The following MTFMT variants were observed in gnomAD, a reference collection of about 807,000 sequenced individuals.
MTFMT encodes the protein mitochondrial methionyl-tRNA formyltransferase, also known as methionyl-tRNA formyltransferase, mitochondrial.
A neutral mutation model predicts 51.8 loss-of-function variants in MTFMT; 47 were observed. The observed-to-expected ratio is 0.91, with a 90% CI of 0.72 to 1.16. The LOEUF (loss-of-function observed/expected upper bound fraction) is 1.16, where lower values mean the gene tolerates loss of function less well. Among genes scored for constraint, MTFMT ranks in the 50% most tolerant of loss-of-function variants. The pLI is 0.00. For missense variants in MTFMT, 512 were observed against 482.3 expected (o/e 1.06, Z -0.58); for synonymous variants, 196 against 176.7 (o/e 1.11, Z -0.87).
chr15:65,029,619 C>T lies in MTFMT; in HGVS notation c.-6G>A. Reference sequence around the variant, plus strand: ...CGCCGCACCAACACCCTCATCGCCTCGGCCGCCGGCGGCCGGCCCTGCGCA... The same window carrying T: ...CGCCGCACCAACACCCTCATCGCCTTGGCCGCCGGCGGCCGGCCCTGCGCA... On this transcript the variant is annotated 5_prime_UTR_variant, in exon 1 of 9. Coordinates refer to ENST00000220058, the MANE Select transcript of MTFMT (RefSeq NM_139242.4). The T allele has an allele frequency of 7.3e-7, 1 of 1,367,394 alleles. No homozygotes were observed. Among genetic ancestry groups the T allele is most frequent in the Non-Finnish European group, 9.5e-7 (1 of 1,056,718 alleles). 84.7% of individuals were successfully genotyped at this position (1,367,394 alleles called of 1,614,324 possible).
At chr15:65,004,251 A>G (rs2086203864) in intron 8 of MTFMT, among the ~76,000 whole-genome samples, 1 of 152,044 alleles carries the variant, frequency 6.6e-6, no homozygotes, top group African/African-American at 2.4e-5. Context: ...TCCCGACCTC[A>G]GGTGATCCAC....
intron 6 of MTFMT, among the ~76,000 whole-genome samples, chr15:65,013,507 T>A (rs1407789967): frequency 6.6e-6 from 1 of 152,198 alleles, no homozygotes; most frequent in Non-Finnish European, 1.5e-5. Context: ...TTATTGAGGT[T>A]TTTTTACATG....
chr15:65,017,459 C>T (rs554233607), intron 5 of MTFMT, among the ~76,000 whole-genome samples: 19 of 152,206 alleles, frequency 1.2e-4, no homozygotes, highest in African/African-American at 4.6e-4. Flanking sequence ...AACCCAAATG[C>T]CCATCAATAA....
Position 65,014,934 on chromosome 15 carries a change from A to ATT in MTFMT, c.813+1500_813+1501dup, listed in dbSNP as rs57853235. On this transcript the variant is annotated intron_variant, in intron 6 of 8. Transcript: ENST00000220058. ...CGTGTGAGCCACCATGCCTGGCCTG[A>ATT]TTTTTTTTTTTTTTTTTTGCTTACT... 1.8e-4 allele frequency among the ~76,000 whole-genome samples: 23 copies of ATT among 124,568 alleles called. 1 individual carries two copies. The highest frequency in any genetic ancestry group is 5.0e-4 in the African/African-American group (17 of 33,940). The allele number at this position is 124,568 out of a possible 152,430, so 81.7% of individuals were successfully genotyped here. A position where few individuals can be genotyped will look rare whatever the true frequency, so the allele number is the denominator to read the frequency against.
Position 65,006,168 on chromosome 15 carries a change from C to T in MTFMT, c.837G>A (p.Met279Ile), listed in dbSNP as rs1481761826. The change falls in exon 7 of 9, where the codon ATG (methionine) becomes ATA (isoleucine). Residue 279 changes from methionine to isoleucine, a missense_variant. Coordinates refer to ENST00000220058, the MANE Select transcript of MTFMT (RefSeq NM_139242.4). The part of the protein sequence containing the change: ...GNIIPLQTLW[M>I]ANTIKLLDLV... ...AATCCAGAAGTTTAATGGTATTCGC[C>T]ATCCAGAGCGTCTGCAACGGAATCT... 4.3e-6 allele frequency: 7 copies of T among 1,612,334 alleles called. No homozygotes were observed. The highest frequency in any genetic ancestry group is 1.6e-4 in the Middle Eastern group (1 of 6,074).
At position 65,016,447 on chromosome 15, in the gene MTFMT, T is replaced by C. The variant is rs1276252539; in HGVS notation, c.802A>G (p.Ile268Val). 6.2e-7 allele frequency: 1 copy of C among 1,605,652 alleles called. No individual in the cohort carries two copies. Reference sequence around the variant, plus strand: ...ACTTCCCAACTTACTATATTTCCAATGGCACGGTAAAGTCTGAATATTTGT... The same window carrying C: ...ACTTCCCAACTTACTATATTTCCAACGGCACGGTAAAGTCTGAATATTTGT... ...SEQIFRLYRA[I>V]GNIIPLQTLW... The change falls in exon 6 of 9, where the codon ATT becomes GTT. Residue 268 changes from isoleucine to valine, a missense_variant. Coordinates refer to ENST00000220058, the MANE Select transcript of MTFMT (RefSeq NM_139242.4).
intron 3 of MTFMT, among the ~76,000 whole-genome samples, chr15:65,022,651 A>G (rs2086383794): frequency 6.6e-6 from 1 of 151,760 alleles, no homozygotes; most frequent in African/African-American, 2.4e-5. Context: ...AATTGCAAAC[A>G]TTCACAAAAA....
At chr15:65,005,033 T>G (rs1162547289) in intron 7 of MTFMT, 97 bp from the exon 8 acceptor site, 4 of 814,078 alleles carry the variant, frequency 4.9e-6, no homozygotes, top group Admixed American at 4.4e-5. Flanking sequence ...TGGGAGGCAG[T>G]ACTGATACCG....
Position 65,006,095 on chromosome 15 carries a change from CT to C in MTFMT, c.892+17del, listed in dbSNP as rs530492914. On this transcript the variant is annotated intron_variant, in intron 7 of 8. Transcript: ENST00000220058. ...ACAGTGAAAACAGCTTCCATGTTAG[CT>C]ATTCAAAAGTTAGTACCAGCAAGGA... 9,107 of 1,585,340 alleles carry C rather than the reference CT, an allele frequency of 5.7e-3. 58 individuals carry two copies. The highest frequency in any genetic ancestry group is 7.1e-3 in the Non-Finnish European group (8,198 of 1,155,578).
intron 6 of MTFMT, among the ~76,000 whole-genome samples, chr15:65,013,032 C>T (rs1283520283): frequency 3.9e-5 from 6 of 152,006 alleles, no homozygotes; most frequent in East Asian, 3.9e-4. Context: ...TGTTTATTAG[C>T]TCTAATAGTT....
At chr15:65,004,684 C>G (rs1288970825) in intron 8 of MTFMT, among the ~76,000 whole-genome samples, 170 bp downstream of exon 8, 1 of 152,222 alleles carries the variant, frequency 6.6e-6, no homozygotes, top group East Asian at 1.9e-4. Flanking sequence ...AACTTCATCA[C>G]TTTCAAAAAA....
At chr15:65,010,568 C>T (rs976262198) in intron 6 of MTFMT, among the ~76,000 whole-genome samples, 9 of 152,076 alleles carry the variant, frequency 5.9e-5, no homozygotes, top group African/African-American at 2.2e-4. Context: ...AATATTCCAC[C>T]GTATGGCTAT....
At position 65,021,595 on chromosome 15, in the gene MTFMT, G is replaced by A; in HGVS notation, c.564C>T (p.Leu188=). The change falls in exon 4 of 9, where the codon CTC becomes CTT. Residue 188 remains leucine (L), a synonymous_variant. Transcript: ENST00000220058. ...RPKRFDVGPI[L]KQETVPVPPK... ...GTGGCACAGGAACAGTTTCTTGTTT[G>A]AGAATTGGGCCTACATCAAACCTAG... 2 of 1,588,568 alleles carry A rather than the reference G, an allele frequency of 1.3e-6. No individual in the cohort carries two copies. Among genetic ancestry groups the A allele is most frequent in the Non-Finnish European group, 1.7e-6 (2 of 1,160,914 alleles).
At position 65,025,613 on chromosome 15, in the gene MTFMT, T is replaced by C. The variant is rs1007189933; in HGVS notation, c.419+1218A>G. Among the ~76,000 whole-genome samples the C allele has an allele frequency of 8.5e-5, 13 of 152,114 alleles. 1 individual carries two copies. The highest frequency in any genetic ancestry group is 7.9e-4 in the Admixed American group (12 of 15,260). On this transcript the variant is annotated intron_variant, in intron 2 of 8. Transcript: ENST00000220058. ...CAATAGGATTTACTGATGGATTGGA[T>C]ATGGGACGTAAGAAATCAAGCATGA...
chr15:65,015,194 C>T (rs544272495), intron 6 of MTFMT, among the ~76,000 whole-genome samples: 5 of 152,154 alleles, frequency 3.3e-5, no homozygotes, highest in East Asian at 3.9e-4. Flanking sequence ...CCTGAGTCTA[C>T]GACGTTAGGA....
intron 2 of MTFMT, among the ~76,000 whole-genome samples, 162 bp from the exon 3 acceptor site, chr15:65,023,956 A>G (rs1276390570): frequency 6.6e-6 from 1 of 152,256 alleles, no homozygotes; most frequent in Non-Finnish European, 1.5e-5. Context: ...AAAAAGTTAC[A>G]TGTAAATTCA....
At chr15:65,007,616 A>G (rs1364257038) in intron 6 of MTFMT, among the ~76,000 whole-genome samples, 4 of 152,248 alleles carry the variant, frequency 2.6e-5, no homozygotes, top group African/African-American at 9.6e-5. Context: ...GTTAAACAGC[A>G]TCAACATTTT....
rs1007204199 is a variant in MTFMT at position 65,006,598 on chromosome 15, T to G, written c.814-407A>C. On this transcript the variant is annotated intron_variant, in intron 6 of 8. Coordinates refer to ENST00000220058, the MANE Select transcript of MTFMT (RefSeq NM_139242.4). The stretch of plus-strand genomic sequence containing the variant: ...TCACCATGTTAGCCACGATGGTCTC[T>G]ATCTCCTGACCTCATGATCCGCCCG... Among the ~76,000 whole-genome samples, 17 of 152,120 alleles carry G rather than the reference T, an allele frequency of 1.1e-4. No individual in the cohort carries two copies. The South Asian group carries it at 1.2e-3, about 11-fold the overall frequency.
At chr15:65,019,833 T>C (rs1257561667) in intron 5 of MTFMT, among the ~76,000 whole-genome samples, 1 of 152,166 alleles carries the variant, frequency 6.6e-6, no homozygotes, top group African/African-American at 2.4e-5. Flanking sequence ...AGATGAAAGA[T>C]CATGATTCAT....
Sources: allele counts gnomAD v4.1 joint callset (sites outside exome capture counted in the v4.1 genomes callset), GRCh38; gene constraint gnomAD v4.1.1; transcripts MANE v1.5; gene names NCBI Gene and HGNC (gene_info 2026-07-23, HGNC 2026-07-21).